Variants in GRIK4 observed in about 807,000 individuals in gnomAD.
GRIK4 encodes the protein glutamate ionotropic receptor kainate type subunit 4, also known as glutamate receptor ionotropic, kainate 4.
In GRIK4, 40 loss-of-function variants were observed where a neutral mutation model predicts 104.9. The ratio of observed to expected loss-of-function variants is 0.38; its 90% CI spans 0.30 to 0.50. The LOEUF is 0.50. GRIK4 is among the 20% of genes least tolerant of loss of function. The probability of loss-of-function intolerance (pLI) is 0.93; values close to 1 mark genes in which losing one functional copy is unlikely to be tolerated. For missense variants in GRIK4, 1,047 were observed against 1,308.1 expected, an observed-to-expected ratio of 0.80 and a Z score of 3.08; for synonymous variants, 485 against 524.9, an observed-to-expected ratio of 0.92 and a Z score of 1.04.
chr11:120,822,803 C>T (rs1244180062), intron 6 of GRIK4, among the ~76,000 whole-genome samples: 1 of 152,144 alleles, frequency 6.6e-6, no homozygotes, highest in Non-Finnish European at 1.5e-5. Context: ...AGGAAGTTGA[C>T]GATACACATT....
At chr11:120,778,400 T>C (rs1952084550) in intron 3 of GRIK4, among the ~76,000 whole-genome samples, 1 of 152,236 alleles carries the variant, frequency 6.6e-6, no homozygotes, top group Non-Finnish European at 1.5e-5. Context: ...ATTCCGTTTA[T>C]ATCCCTATGC....
chr11:120,871,334 A>C, intron 9 of GRIK4: 1 of 293,034 alleles, frequency 3.4e-6, no homozygotes. Flanking sequence ...AGCGAGTTAC[A>C]TGGAAGGACA....
chr11:120,909,774 A>G (rs1417752068), intron 13 of GRIK4, among the ~76,000 whole-genome samples: 4 of 152,214 alleles, frequency 2.6e-5, no homozygotes, highest in Non-Finnish European at 5.9e-5. Flanking sequence ...TCTGAGTGAT[A>G]TGAATTAAAG....
intron 9 of GRIK4, among the ~76,000 whole-genome samples, chr11:120,865,558 A>G (rs1284402218): frequency 6.6e-6 from 1 of 152,212 alleles, no homozygotes; most frequent in Admixed American, 6.5e-5. Context: ...TCTTATGGTG[A>G]TGGCAGAAGG....
chr11:120,653,179 T>C (rs1949645561), intron 1 of GRIK4, among the ~76,000 whole-genome samples: 1 of 152,250 alleles, frequency 6.6e-6, no homozygotes, highest in African/African-American at 2.4e-5. Context: ...TGAATAAGCA[T>C]GTTAAAGCTC....
chr11:120,632,891 T>G (rs1246493981), intron 1 of GRIK4, among the ~76,000 whole-genome samples: 1 of 152,150 alleles, frequency 6.6e-6, no homozygotes, highest in East Asian at 1.9e-4. Context: ...ACCTTGTTAC[T>G]AGCTCACGTC....
chr11:120,750,533 AT>A (rs34144388), intron 3 of GRIK4, among the ~76,000 whole-genome samples: 1 of 151,338 alleles, frequency 6.6e-6, no homozygotes, highest in East Asian at 1.9e-4. Flanking sequence ...TGCTTGGTTA[AT>A]TTTTTTGTAT....
chr11:120,983,403 C>T (rs985339752), intron 20 of GRIK4, among the ~76,000 whole-genome samples: 3 of 152,160 alleles, frequency 2.0e-5, no homozygotes, highest in Non-Finnish European at 4.4e-5. Context: ...ACCCCTGCAC[C>T]GAAAGGCCGA....
chr11:120,595,864 C>A (rs975731537), intron 1 of GRIK4, among the ~76,000 whole-genome samples: 2 of 152,104 alleles, frequency 1.3e-5, no homozygotes, highest in Non-Finnish European at 2.9e-5. Context: ...TTCTATTTTT[C>A]GAGATGGAGT....
intron 1 of GRIK4, among the ~76,000 whole-genome samples, chr11:120,575,543 G>T (rs1415312955): frequency 6.6e-6 from 1 of 152,130 alleles, no homozygotes; most frequent in Admixed American, 6.5e-5. Flanking sequence ...CCGCTGAATG[G>T]GGTGTGCTAC....
chr11:120,897,112 C>G (rs1381271846), intron 11 of GRIK4, among the ~76,000 whole-genome samples: 2 of 150,576 alleles, frequency 1.3e-5, no homozygotes, highest in Non-Finnish European at 3.0e-5. Flanking sequence ...TCCAGGAGGT[C>G]AAGACCAGCC....
intron 6 of GRIK4, among the ~76,000 whole-genome samples, chr11:120,820,249 C>T (rs1953078715): frequency 6.6e-6 from 1 of 152,148 alleles, no homozygotes; most frequent in Non-Finnish European, 1.5e-5. Context: ...GACTGGCCAA[C>T]CGCCAAGCCT....
intron 9 of GRIK4, among the ~76,000 whole-genome samples, chr11:120,864,462 G>A (rs1227774663): frequency 2.0e-5 from 3 of 152,046 alleles, no homozygotes; most frequent in East Asian, 3.9e-4. Flanking sequence ...GGAGTGTCTC[G>A]ATCTCCTGAC....
intron 1 of GRIK4, among the ~76,000 whole-genome samples, chr11:120,598,417 A>G (rs1388095180): frequency 6.6e-6 from 1 of 152,212 alleles, no homozygotes; most frequent in Non-Finnish European, 1.5e-5. Context: ...CATCGGCTCC[A>G]GGGACATTTC....
At chr11:120,797,389 G>A (rs918241219) in intron 3 of GRIK4, among the ~76,000 whole-genome samples, 1 of 152,204 alleles carries the variant, frequency 6.6e-6, no homozygotes. Context: ...CAGGCTATGA[G>A]CGTTCACTGC....
intron 19 of GRIK4, among the ~76,000 whole-genome samples, chr11:120,974,608 A>C (rs1438754808): frequency 6.6e-6 from 1 of 152,250 alleles, no homozygotes; most frequent in Non-Finnish European, 1.5e-5. Flanking sequence ...CTCAAACATT[A>C]CTGCCAAATT....
chr11:120,942,386 C>A (rs1943746902), intron 14 of GRIK4, among the ~76,000 whole-genome samples: 1 of 152,254 alleles, frequency 6.6e-6, no homozygotes, highest in African/African-American at 2.4e-5. Flanking sequence ...CGGGGGACAT[C>A]CAAAAGAAAT....
rs1255587446 is a variant in GRIK4 at position 120,985,972 on chromosome 11, C to A, written c.2583C>A (p.Pro861=). The change falls in exon 21 of 21, where the codon CCC becomes CCA. Residue 861 remains proline, a synonymous_variant. Coordinates refer to ENST00000527524, the MANE Select transcript of GRIK4 (RefSeq NM_014619.5). ...SIILCQDSIH[P]RRRRAAVPPP... Reference sequence around the variant, plus strand: ...TCCTGTGTCAGGACAGTATCCACCCCCGCCGGCGGCGCGCCGCAGTCCCGC... The same window carrying A: ...TCCTGTGTCAGGACAGTATCCACCCACGCCGGCGGCGCGCCGCAGTCCCGC... The A allele has an allele frequency of 2.6e-6, 4 of 1,536,038 alleles. No homozygotes were observed. The highest frequency in any genetic ancestry group is 2.6e-6 in the Non-Finnish European group (3 of 1,141,576).
chr11:120,557,742 C>T (rs1565548878), intron 1 of GRIK4, among the ~76,000 whole-genome samples: 1 of 152,138 alleles, frequency 6.6e-6, no homozygotes, highest in Admixed American at 6.5e-5. Context: ...TCGGGCCGGG[C>T]GCGGTGGCTC....
Sources: allele counts gnomAD v4.1 joint callset (sites outside exome capture counted in the v4.1 genomes callset), GRCh38; gene constraint gnomAD v4.1.1; transcripts MANE v1.5; gene names NCBI Gene and HGNC (gene_info 2026-07-23, HGNC 2026-07-21).